PCDH15: variants seen among roughly 807,000 people sequenced by gnomAD.
PCDH15 encodes protocadherin related 15.
In PCDH15, 129 loss-of-function variants were observed where a neutral mutation model predicts 178.5. The ratio of observed to expected loss-of-function variants is 0.72; its 90% CI spans 0.63 to 0.84. The LOEUF is 0.84. PCDH15 is among the 40% of genes least tolerant of loss of function. The pLI is 0.00. For missense variants in PCDH15, 2,230 were observed against 2,099.9 expected (o/e 1.06, Z -1.21); for synonymous variants, 800 against 732.0 (o/e 1.09, Z -1.50).
intron 23 of PCDH15, among the ~76,000 whole-genome samples, chr10:53,946,167 CT>C (rs1346847981): frequency 6.6e-6 from 1 of 152,148 alleles, no homozygotes; most frequent in East Asian, 1.9e-4. Context: ...AATAAATCCA[CT>C]TCATATAACT....
At chr10:54,436,051 A>AGAAAAGAAAG (rs1428860580) in intron 3 of PCDH15, among the ~76,000 whole-genome samples, 3 of 138,462 alleles carry the variant, frequency 2.2e-5, no homozygotes, top group African/African-American at 9.5e-5. Flanking sequence ...AGAGAGAGAG[A>AGAAAAGAAAG]AAAGAAAGAA....
intron 2 of PCDH15, among the ~76,000 whole-genome samples, chr10:55,402,200 T>C (rs1370985577): frequency 5.3e-5 from 8 of 151,730 alleles, no homozygotes; most frequent in Non-Finnish European, 1.2e-4. Flanking sequence ...GCATGAACCA[T>C]TGGGAAGAAA....
chr10:54,294,735 A>G (rs2059637392), intron 8 of PCDH15, among the ~76,000 whole-genome samples: 1 of 152,218 alleles, frequency 6.6e-6, no homozygotes, highest in Admixed American at 6.5e-5. Flanking sequence ...GCTTTTAATT[A>G]ATTCATCAAT....
chr10:55,469,634 C>T (rs1459139826), intron 2 of PCDH15, among the ~76,000 whole-genome samples: 2 of 151,842 alleles, frequency 1.3e-5, no homozygotes, highest in Non-Finnish European at 1.5e-5. Context: ...AAAATTAATG[C>T]TGTGAATGTT....
chr10:55,449,639 G>T (rs541636136), intron 2 of PCDH15, among the ~76,000 whole-genome samples: 2 of 152,052 alleles, frequency 1.3e-5, no homozygotes, highest in East Asian at 3.9e-4. Flanking sequence ...ATATATGATA[G>T]GAATAATAAA....
rs1463092972 is a variant in PCDH15, at chr10:54,979,684, AAAC to A, written c.-79-82187_-79-82185del. Among the ~76,000 whole-genome samples the A allele has an allele frequency of 3.4e-5, 5 of 146,998 alleles. No individual in the cohort carries two copies. In the South Asian group the frequency reaches 6.6e-4, roughly 19 times the overall value. ...ACTGTGTCTCAAAAAAAAAAAAAAA[AAAC>A]CAGAATTTTATTTTTATCAACAGAA... On this transcript the variant is annotated intron_variant, in intron 2 of 5. Coordinates refer to the PCDH15 transcript ENST00000458638.
chr10:55,242,108 G>A (rs1841558436), intron 1 of PCDH15, among the ~76,000 whole-genome samples: 1 of 152,150 alleles, frequency 6.6e-6, no homozygotes, highest in South Asian at 2.1e-4. Context: ...TGACTAGTGA[G>A]GAGGCAGAGT....
chr10:55,246,785 A>C (rs1177189031), intron 1 of PCDH15, among the ~76,000 whole-genome samples: 1 of 152,200 alleles, frequency 6.6e-6, no homozygotes, highest in Non-Finnish European at 1.5e-5. Flanking sequence ...TATGCAGAGA[A>C]GATCTAACAT....
At chr10:55,341,785 ATATATATATATATATATATATTTTTT>A (rs1451752503) in intron 2 of PCDH15, among the ~76,000 whole-genome samples, 7 of 21,452 alleles carry the variant, frequency 3.3e-4, no homozygotes, top group African/African-American at 7.8e-4. Flanking sequence ...ATATATATAT[ATATATATATATATATATATATTTTTT>A]TTTTTTTTTT....
intron 2 of PCDH15, among the ~76,000 whole-genome samples, chr10:54,655,248 A>AGAGAGAGAGAGAG (rs2094354385): frequency 1.5e-5 from 1 of 65,668 alleles, no homozygotes; most frequent in Non-Finnish European, 3.1e-5. Context: ...GAAAGAAAGA[A>AGAGAGAGAGAGAG]AGAAAGAAAG....
chr10:54,677,888 C>T (rs995447741), intron 1 of PCDH15, among the ~76,000 whole-genome samples: 41 of 152,182 alleles, frequency 2.7e-4, no homozygotes, highest in African/African-American at 9.9e-4. Context: ...AGCTATCTCT[C>T]CATACGCATT....
chr10:55,349,502 T>A (rs1844854583), intron 2 of PCDH15, among the ~76,000 whole-genome samples: 1 of 152,138 alleles, frequency 6.6e-6, no homozygotes, highest in South Asian at 2.1e-4. Context: ...ATATAATGGT[T>A]ACCATGGATA....
intron 2 of PCDH15, among the ~76,000 whole-genome samples, chr10:55,075,581 T>C (rs1414694165): frequency 6.6e-6 from 1 of 152,054 alleles, no homozygotes; most frequent in Non-Finnish European, 1.5e-5. Context: ...GCCAAGATGG[T>C]CTCTGTCTCC....
intron 26 of PCDH15, among the ~76,000 whole-genome samples, chr10:53,901,932 A>C (rs969850907): frequency 1.3e-5 from 2 of 152,088 alleles, no homozygotes; most frequent in Non-Finnish European, 2.9e-5. Context: ...TTACTCATCT[A>C]TTCATTTCTT....
intron 3 of PCDH15, among the ~76,000 whole-genome samples, chr10:54,821,429 C>A (rs866702343): frequency 5.9e-5 from 9 of 151,468 alleles, no homozygotes; most frequent in Admixed American, 2.0e-4. Context: ...AAAAAAATTA[C>A]AAATGTAAAA....
In PCDH15 at chr10:54,195,816, T is replaced by C. The variant is rs758680936; in HGVS notation, c.1172A>G (p.Gln391Arg). The part of the protein sequence containing the change: ...LHIEILDENN[Q>R]SPYFTMPSYQ... Reference sequence around the variant, plus strand: ...ACTGGGCATTGTAAAATATGGACTTTGATTGTTTTCATCCAGTATTTCAAT... The same window carrying C: ...ACTGGGCATTGTAAAATATGGACTTCGATTGTTTTCATCCAGTATTTCAAT... The change falls in exon 11 of 38, where the codon CAA becomes CGA. Residue 391 changes from glutamine to arginine, a missense_variant. Transcript: ENST00000644397. The C allele has an allele frequency of 1.9e-6, 3 of 1,613,974 alleles. No individual in the cohort carries two copies. Among genetic ancestry groups the C allele is most frequent in the Non-Finnish European group, 1.7e-6 (2 of 1,179,956 alleles).
At chr10:55,045,182 G>T (rs1458105760) in intron 2 of PCDH15, among the ~76,000 whole-genome samples, 2 of 151,848 alleles carry the variant, frequency 1.3e-5, no homozygotes, top group Non-Finnish European at 2.9e-5. Flanking sequence ...TCTCCATTTT[G>T]ACTGTATTTC....
At chr10:54,612,621 C>T (rs17584148) in intron 2 of PCDH15, among the ~76,000 whole-genome samples, 15,124 of 151,530 alleles carry the variant, frequency 0.1, 912 homozygotes, top group Middle Eastern at 0.15. Context: ...TTGTGTGTGG[C>T]TCTTTTTATA....
intron 1 of PCDH15, among the ~76,000 whole-genome samples, chr10:54,717,492 CA>C (rs1041430853): frequency 3.8e-4 from 55 of 146,338 alleles, no homozygotes; most frequent in African/African-American, 1.4e-3. Flanking sequence ...TTTATGCAGC[CA>C]AAAAACGCAT....
Sources: gnomAD v4.1 joint callset for allele counts (sites outside exome capture counted in the v4.1 genomes callset) on GRCh38, gnomAD v4.1.1 for gene constraint, MANE v1.5 for transcripts, NCBI Gene and HGNC (gene_info 2026-07-23, HGNC 2026-07-21) for gene names.